Variants in INPP4A observed in about 807,000 individuals in gnomAD.
INPP4A encodes the protein inositol polyphosphate-4-phosphatase type I A, also known as inositol polyphosphate-4-phosphatase, type I, 107kD.
In INPP4A, 33 loss-of-function variants were observed where a neutral mutation model predicts 119.8. That is an observed-to-expected ratio of 0.28 (90% CI 0.21 to 0.37). INPP4A has a LOEUF of 0.37. Among genes scored for constraint, INPP4A ranks in the 10% least tolerant of loss-of-function variants. The probability of loss-of-function intolerance (pLI) is 1.00; values close to 1 mark genes in which losing one functional copy is unlikely to be tolerated. For missense variants in INPP4A, 956 were observed against 1,289.9 expected (o/e 0.74, Z 3.97); for synonymous variants, 496 against 500.7 (o/e 0.99, Z 0.12).
intron 1 of INPP4A, among the ~76,000 whole-genome samples, chr2:98,466,216 T>G (rs1027477282): frequency 1.3e-5 from 2 of 152,194 alleles, no homozygotes; most frequent in Non-Finnish European, 2.9e-5. Flanking sequence ...CAGCTAATTT[T>G]TGTATTTTTA....
At chr2:98,543,826 C>A in intron 10 of INPP4A, 51 bp from the exon 11 acceptor site, 2 of 1,606,928 alleles carry the variant, frequency 1.2e-6, no homozygotes, top group African/African-American at 1.3e-5. Flanking sequence ...CTGGGCCTCT[C>A]TGGGGAAACC....
rs1043002133 is a variant in INPP4A, at chr2:98,589,007, T to C, written c.*1399T>C. ...GCTGAGGCATGGGGAGGACTGCTTA[T>C]TGGCAGGAACACAGAGGGGGTGGGC... On this transcript the variant is annotated 3_prime_UTR_variant, in exon 25 of 25. Coordinates refer to ENST00000409851, the MANE Select transcript of INPP4A (RefSeq NM_001134225.2). The C allele has an allele frequency of 1.6e-5, 3 of 183,790 alleles. No individual in the cohort carries two copies. The highest frequency in any genetic ancestry group is 3.5e-5 in the Non-Finnish European group (3 of 86,680). 11.4% of individuals were successfully genotyped at this position (183,790 alleles called of 1,614,324 possible). A position where few individuals can be genotyped will look rare whatever the true frequency, so the allele number is the denominator to read the frequency against.
intron 2 of INPP4A, chr2:98,519,253 C>T (rs561121203): frequency 6.6e-6 from 1 of 152,346 alleles, no homozygotes; most frequent in Admixed American, 6.5e-5. Flanking sequence ...CCTGAAACAC[C>T]TTCTCGCTGC....
At chr2:98,490,853 T>C (rs1680580702) in intron 1 of INPP4A, among the ~76,000 whole-genome samples, 1 of 152,246 alleles carries the variant, frequency 6.6e-6, no homozygotes, top group African/African-American at 2.4e-5. Flanking sequence ...TAACAAGTCA[T>C]GAGGGGCTTT....
chr2:98,464,244 C>T (rs1558881199), intron 1 of INPP4A, among the ~76,000 whole-genome samples: 1 of 152,092 alleles, frequency 6.6e-6, no homozygotes, highest in East Asian at 1.9e-4. Context: ...GAGGGGAGGG[C>T]AGGAGAGCCG....
intron 4 of INPP4A, among the ~76,000 whole-genome samples, chr2:98,530,200 A>G (rs1432680528): frequency 7.7e-6 from 1 of 130,016 alleles, no homozygotes; most frequent in African/African-American, 3.0e-5. Context: ...AGAAAAAGTG[A>G]AAAAAAAAAA....
At chr2:98,513,161 C>G (rs377187785) in intron 1 of INPP4A, among the ~76,000 whole-genome samples, 1 of 151,998 alleles carries the variant, frequency 6.6e-6, no homozygotes, top group Non-Finnish European at 1.5e-5. Context: ...ACTGCTGTAT[C>G]GTAGGCCCAA....
chr2:98,572,779 C>T (rs371215182), intron 22 of INPP4A, 36 bp from the exon 23 acceptor site: 88 of 1,447,928 alleles, frequency 6.1e-5, no homozygotes, highest in Admixed American at 1.6e-4. Flanking sequence ...TTCCTGGGTG[C>T]GTCACCCACT....
chr2:98,555,995 C>T, intron 16 of INPP4A, 187 bp downstream of exon 16: 1 of 610,914 alleles, frequency 1.6e-6, no homozygotes, highest in Non-Finnish European at 2.7e-6. Flanking sequence ...GTTGCCTTTC[C>T]ATGTAACTGG....
At position 98,566,311 on chromosome 2, in the gene INPP4A, G is replaced by A. The variant is rs1414437084; in HGVS notation, c.2420+142G>A. The A allele has an allele frequency of 4.6e-5, 43 of 933,388 alleles. No individual in the cohort carries two copies. The highest frequency in any genetic ancestry group is 9.7e-5 in the South Asian group (5 of 51,502). The allele number at this position is 933,388 out of a possible 1,614,324, so 57.8% of individuals were successfully genotyped here. A position where few individuals can be genotyped will look rare whatever the true frequency, so the allele number is the denominator to read the frequency against. On this transcript the variant is annotated intron_variant, in intron 21 of 24. Transcript: ENST00000409851. The surrounding 1 kb of genome is among the most constrained non-coding windows in gnomAD (Gnocchi z 4.2). ...TTTGGCCAACATTTTCATCATGGCC[G>A]TGCACCTCACTGTCTTTGGTGCTAG...
At chr2:98,509,100 A>G (rs775051063) in intron 1 of INPP4A, among the ~76,000 whole-genome samples, 1 of 152,172 alleles carries the variant, frequency 6.6e-6, no homozygotes, top group African/African-American at 2.4e-5. Context: ...CAGGTTGTCT[A>G]CCATTCATCT....
intron 1 of INPP4A, among the ~76,000 whole-genome samples, chr2:98,456,861 G>T (rs1696227474): frequency 6.6e-6 from 1 of 152,166 alleles, no homozygotes; most frequent in African/African-American, 2.4e-5. Flanking sequence ...GTTTTGAGTT[G>T]ATTATTTAAT....
At chr2:98,474,020 T>C (rs2104900560) in intron 1 of INPP4A, among the ~76,000 whole-genome samples, 1 of 152,344 alleles carries the variant, frequency 6.6e-6, no homozygotes, top group South Asian at 2.1e-4. Flanking sequence ...TTGCCCAGCA[T>C]TTTTGTGAGC....
chr2:98,539,589 G>T lies in INPP4A; in HGVS notation c.732G>T (p.Arg244=). 1 of 1,612,340 alleles carries T rather than the reference G, an allele frequency of 6.2e-7. No individual in the cohort carries two copies. Among genetic ancestry groups the T allele is most frequent in the Non-Finnish European group, 8.5e-7 (1 of 1,179,136 alleles). ...CAACCACTGATGGTAACCATTTGCG[G>T]ATCCTGGAGCAGATGGCAGAGAGCG... ...RFPTTDGNHL[R]ILEQMAESVL... is the part of the protein sequence containing the mutation. The change falls in exon 10 of 25, where the codon CGG becomes CGT. Residue 244 remains arginine (R), a synonymous_variant. Coordinates refer to ENST00000409851, the MANE Select transcript of INPP4A (RefSeq NM_001134225.2).
At chr2:98,507,443 G>A (rs1253399711) in intron 1 of INPP4A, among the ~76,000 whole-genome samples, 1 of 152,218 alleles carries the variant, frequency 6.6e-6, no homozygotes, top group Non-Finnish European at 1.5e-5. Context: ...AACACGTGCT[G>A]TAGGGAAATC....
Position 98,536,173 on chromosome 2 carries a change from C to G in INPP4A, c.432C>G (p.Leu144=). ...GAACGTTCATTGTCAAAGATCTGCT[C>G]CAGGACAGGCATCATAGGTTGCATT... ...GSGTFIVKDL[L]QDRHHRLHLT... The change falls in exon 7 of 25, where the codon CTC becomes CTG. Residue 144 remains leucine, a synonymous_variant. Transcript: ENST00000409851. The G allele has an allele frequency of 6.2e-7, 1 of 1,611,378 alleles. No homozygotes were observed. Among genetic ancestry groups the G allele is most frequent in the Non-Finnish European group, 8.5e-7 (1 of 1,177,680 alleles).
intron 5 of INPP4A, among the ~76,000 whole-genome samples, chr2:98,534,994 T>C (rs1689963438): frequency 6.6e-6 from 1 of 152,082 alleles, no homozygotes; most frequent in Admixed American, 6.5e-5. Context: ...GATGAGTTGG[T>C]TGAGGCCCCA....
chr2:98,555,813 G>A lies in INPP4A; in HGVS notation c.1822+5G>A, dbSNP rs781280066. 27 of 1,549,044 alleles carry A rather than the reference G, an allele frequency of 1.7e-5. No homozygotes were observed. The highest frequency in any genetic ancestry group is 5.9e-5 in the South Asian group (5 of 84,212). ...GCCATCCTCATCTGACCACACGTGCGTATGCATCCATGCTTCCCATATGCT... is the reference window on the plus strand; with the variant it reads ...GCCATCCTCATCTGACCACACGTGCATATGCATCCATGCTTCCCATATGCT... On this transcript the variant is annotated splice_donor_5th_base_variant and intron_variant, in intron 16 of 24. Coordinates refer to ENST00000409851, the MANE Select transcript of INPP4A (RefSeq NM_001134225.2).
At position 98,459,620 on chromosome 2, in the gene INPP4A, TG is replaced by T. The variant is rs531100953; in HGVS notation, c.-166+14537del. Among the ~76,000 whole-genome samples the T allele has an allele frequency of 2.2e-4, 34 of 152,344 alleles. No individual in the cohort carries two copies. In the East Asian group the frequency reaches 6.2e-3, roughly 28 times the overall value. ...GTGTGAAGATTGCCAGAGTTCTCTA[TG>T]GACACACCCTGCGAACATCATGGAT... On this transcript the variant is annotated intron_variant, in intron 1 of 24. Coordinates refer to ENST00000409851, the MANE Select transcript of INPP4A (RefSeq NM_001134225.2).
Sources: allele counts gnomAD v4.1 joint callset (sites outside exome capture counted in the v4.1 genomes callset), GRCh38; gene constraint gnomAD v4.1.1; non-coding constraint Gnocchi (gnomAD v3.1); transcripts MANE v1.5; gene names NCBI Gene and HGNC (gene_info 2026-07-23, HGNC 2026-07-21).